Variants in TESK2 observed in about 807,000 individuals in gnomAD.
TESK2 encodes testis associated actin remodelling kinase 2, also known as dual specificity testis-specific protein kinase 2.
Under a neutral mutation model 57.1 loss-of-function variants are expected in TESK2, and 39 were observed. That is an observed-to-expected ratio of 0.68 (90% CI 0.53 to 0.89). The LOEUF is 0.89. Ranked by LOEUF, TESK2 falls within the 40% of genes least tolerant of loss-of-function variation. The probability of loss-of-function intolerance (pLI) is 0.00; values close to 1 mark genes in which losing one functional copy is unlikely to be tolerated. For synonymous variants in TESK2, 249 were observed against 267.9 expected, an observed-to-expected ratio of 0.93 and a Z score of 0.69; for missense variants, 646 against 732.1, an observed-to-expected ratio of 0.88 and a Z score of 1.36.
chr1:45,372,452 G>T (rs1648228100), intron 4 of TESK2, among the ~76,000 whole-genome samples: 2 of 151,914 alleles, frequency 1.3e-5, no homozygotes, highest in Non-Finnish European at 2.9e-5. Context: ...GGTGGTGCAT[G>T]CCTGTAATCC....
chr1:45,379,774 A>G (rs1340444746), intron 4 of TESK2, among the ~76,000 whole-genome samples: 1 of 152,246 alleles, frequency 6.6e-6, no homozygotes, highest in Non-Finnish European at 1.5e-5. Context: ...CTCGACTGAG[A>G]TGGCTCTGTT....
chr1:45,422,715 A>T (rs1650522056), intron 2 of TESK2, among the ~76,000 whole-genome samples: 1 of 134,826 alleles, frequency 7.4e-6, no homozygotes. Context: ...AAATGCTGGG[A>T]TTACAGGTGT....
intron 2 of TESK2, among the ~76,000 whole-genome samples, chr1:45,448,081 T>C (rs1474657488): frequency 1.4e-5 from 2 of 138,130 alleles, no homozygotes; most frequent in Admixed American, 7.3e-5. Flanking sequence ...ACAAAAAAAA[T>C]ACAAAAATTA....
intron 4 of TESK2, among the ~76,000 whole-genome samples, chr1:45,384,524 A>G (rs566782937): frequency 1.7e-4 from 25 of 150,712 alleles, no homozygotes; most frequent in African/African-American, 5.9e-4. Context: ...GGCTCAAGCA[A>G]TCTTGCTGCC....
chr1:45,454,734 G>A (rs10890330), intron 2 of TESK2, among the ~76,000 whole-genome samples: 36,344 of 151,858 alleles, frequency 0.24, 4,490 homozygotes, highest in East Asian at 0.36. Context: ...AGCAGCATTA[G>A]TCACAATAGC....
intron 3 of TESK2, among the ~76,000 whole-genome samples, chr1:45,400,981 C>T (rs1234368659): frequency 6.8e-6 from 1 of 147,846 alleles, no homozygotes; most frequent in African/African-American, 2.5e-5. Context: ...GGTATCATGC[C>T]ACTGTACTCC....
At chr1:45,458,152 G>A (rs1413020291) in intron 1 of TESK2, among the ~76,000 whole-genome samples, 1 of 152,070 alleles carries the variant, frequency 6.6e-6, no homozygotes, top group Non-Finnish European at 1.5e-5. Flanking sequence ...CTACTTTCTA[G>A]GAAACATAGT....
intron 6 of TESK2, 31 bp downstream of exon 6, chr1:45,347,887 T>C: frequency 6.3e-7 from 1 of 1,581,276 alleles, no homozygotes; most frequent in Non-Finnish European, 8.7e-7. Context: ...CCCCTGTCCC[T>C]TGGACCCCAG....
chr1:45,350,267 C>T (rs1226988079), intron 5 of TESK2, among the ~76,000 whole-genome samples: 1 of 152,190 alleles, frequency 6.6e-6, no homozygotes, highest in Non-Finnish European at 1.5e-5. Context: ...TGGAAACCTA[C>T]ACAAATTCTT....
At chr1:45,401,480 T>C (rs544514171) in intron 3 of TESK2, among the ~76,000 whole-genome samples, 2 of 152,200 alleles carry the variant, frequency 1.3e-5, no homozygotes, top group Non-Finnish European at 2.9e-5. Flanking sequence ...ATGGACCTCC[T>C]GAAGGCTGAA....
intron 4 of TESK2, among the ~76,000 whole-genome samples, chr1:45,376,382 A>AT (rs201233772): frequency 0.35 from 49,271 of 142,072 alleles, 8,892 homozygotes; most frequent in African/African-American, 0.45. Context: ...CGTCTGGCTA[A>AT]TTTTTTTTTT....
At chr1:45,378,583 C>G in intron 4 of TESK2, among the ~76,000 whole-genome samples, 1 of 152,138 alleles carries the variant, frequency 6.6e-6, no homozygotes, top group East Asian at 1.9e-4. Context: ...AATGGATTTG[C>G]CAGCTCAGTC....
chr1:45,451,136 T>C (rs1383288262), intron 2 of TESK2, among the ~76,000 whole-genome samples: 1 of 152,208 alleles, frequency 6.6e-6, no homozygotes. Context: ...AACACTGCCT[T>C]ACAGCTGGAC....
intron 1 of TESK2, among the ~76,000 whole-genome samples, chr1:45,463,240 T>G (rs115023925): frequency 0.012 from 1,772 of 152,316 alleles, 41 homozygotes; most frequent in African/African-American, 0.04. Context: ...TAACTTCATG[T>G]GATCACATGT....
intron 3 of TESK2, among the ~76,000 whole-genome samples, chr1:45,415,716 C>T (rs548235338): frequency 8.5e-5 from 13 of 152,210 alleles, no homozygotes; most frequent in African/African-American, 2.2e-4. Flanking sequence ...ATAACAACTC[C>T]GTAAAATATT....
chr1:45,398,250 A>G (rs955539727), intron 3 of TESK2, among the ~76,000 whole-genome samples: 3 of 152,142 alleles, frequency 2.0e-5, no homozygotes, highest in African/African-American at 7.2e-5. Context: ...GTTGGTTATA[A>G]GAATCTCTAG....
chr1:45,381,339 A>G (rs1045560427), intron 4 of TESK2, among the ~76,000 whole-genome samples: 8 of 152,312 alleles, frequency 5.3e-5, no homozygotes, highest in Admixed American at 5.2e-4. Context: ...CATATTCCTG[A>G]TAAGGGCAGA....
chr1:45,467,481 G>T (rs533921268), intron 1 of TESK2, among the ~76,000 whole-genome samples: 1 of 151,602 alleles, frequency 6.6e-6, no homozygotes, highest in Non-Finnish European at 1.5e-5. Flanking sequence ...AGAGGCACGC[G>T]CCACCACACC....
chr1:45,471,394 A>C (rs1407159872), intron 1 of TESK2, among the ~76,000 whole-genome samples: 1 of 152,082 alleles, frequency 6.6e-6, no homozygotes, highest in Non-Finnish European at 1.5e-5. Flanking sequence ...ATCAATGAAT[A>C]TAATAGAGTA....
Sources: gnomAD v4.1 joint callset for allele counts (sites outside exome capture counted in the v4.1 genomes callset) on GRCh38, gnomAD v4.1.1 for gene constraint, MANE v1.5 for transcripts, NCBI Gene and HGNC (gene_info 2026-07-23, HGNC 2026-07-21) for gene names.